GPC5: variants seen among roughly 807,000 people sequenced by gnomAD.
The protein encoded by GPC5 is glypican-5.
A neutral mutation model predicts 53.9 loss-of-function variants in GPC5; 47 were observed. That is an observed-to-expected ratio of 0.87 (90% confidence interval 0.69 to 1.11). GPC5 has a LOEUF of 1.11. Ranked by LOEUF, GPC5 falls within the 50% of genes most tolerant of loss-of-function variation. The pLI, the probability that GPC5 is intolerant of heterozygous loss-of-function variation, is 0.00. For missense variants in GPC5, 748 were observed against 713.1 expected (o/e 1.05, Z -0.56); for synonymous variants, 286 against 263.3 (o/e 1.09, Z -0.84).
At chr13:92,268,593 T>C (rs2139151962) in intron 7 of GPC5, among the ~76,000 whole-genome samples, 1 of 152,130 alleles carries the variant, frequency 6.6e-6, no homozygotes, top group South Asian at 2.1e-4. Flanking sequence ...TTTTTGCTAT[T>C]ATACACGCTC....
intron 7 of GPC5, among the ~76,000 whole-genome samples, chr13:92,549,672 A>G (rs1882239514): frequency 6.6e-6 from 1 of 152,042 alleles, no homozygotes. Context: ...AAATAACAAC[A>G]AACTAGTACT....
chr13:92,465,743 G>A (rs1409188037), intron 7 of GPC5, among the ~76,000 whole-genome samples: 1 of 151,930 alleles, frequency 6.6e-6, no homozygotes, highest in African/African-American at 2.4e-5. Context: ...AATAAAATCA[G>A]AGTTCCATAC....
chr13:92,663,856 CTATATATATATATATATATAT>C (rs1168492719), intron 7 of GPC5, among the ~76,000 whole-genome samples: 4 of 88,340 alleles, frequency 4.5e-5, no homozygotes, highest in African/African-American at 1.9e-4. Context: ...CACACACACA[CTATATATATATATATATATAT>C]ATATATATAT....
intron 7 of GPC5, chr13:92,509,642 A>G (rs1880493804): frequency 6.6e-6 from 1 of 152,226 alleles, no homozygotes; most frequent in Admixed American, 6.5e-5. Flanking sequence ...ATCAAAGTTA[A>G]CAGTATGGTG....
intron 3 of GPC5, among the ~76,000 whole-genome samples, chr13:91,717,997 C>A (rs986442085): frequency 6.6e-6 from 1 of 152,058 alleles, no homozygotes; most frequent in Non-Finnish European, 1.5e-5. Context: ...TAAAAAATTG[C>A]TTTTTCAATG....
intron 7 of GPC5, among the ~76,000 whole-genome samples, chr13:92,549,462 T>C (rs1363552034): frequency 6.6e-6 from 1 of 152,110 alleles, no homozygotes; most frequent in South Asian, 2.1e-4. Context: ...GTTCTCTCTA[T>C]GGGTTTGAAG....
chr13:92,513,412 T>G (rs1880648889), intron 7 of GPC5, among the ~76,000 whole-genome samples: 1 of 151,990 alleles, frequency 6.6e-6, no homozygotes, highest in Admixed American at 6.6e-5. Context: ...TGGAACTAAA[T>G]AAACTTCTGT....
chr13:91,462,019 A>G (rs1203220723), intron 2 of GPC5, among the ~76,000 whole-genome samples: 1 of 152,144 alleles, frequency 6.6e-6, no homozygotes, highest in Non-Finnish European at 1.5e-5. Context: ...CTGGTAATAA[A>G]ATGAAATTTC....
intron 2 of GPC5, among the ~76,000 whole-genome samples, chr13:91,550,899 G>A (rs1433785820): frequency 2.0e-5 from 3 of 152,084 alleles, no homozygotes; most frequent in African/African-American, 4.8e-5. Context: ...CATGTAAGAC[G>A]TGACTTTGCT....
chr13:91,407,567 T>C (rs1877417586), intron 1 of GPC5, among the ~76,000 whole-genome samples: 1 of 152,194 alleles, frequency 6.6e-6, no homozygotes, highest in South Asian at 2.1e-4. Flanking sequence ...ATTACTTGAT[T>C]TTTTTTCTGC....
At position 92,389,601 on chromosome 13, in the gene GPC5, A is replaced by G. The variant is rs547589438; in HGVS notation, c.1561+244612A>G. Among the ~76,000 whole-genome samples, 24 of 152,210 alleles carry G rather than the reference A, an allele frequency of 1.6e-4. No individual in the cohort carries two copies. The South Asian group carries it at 4.2e-3, about 26-fold the overall frequency. On this transcript the variant is annotated intron_variant, in intron 7 of 7. Transcript: ENST00000377067. ...AAAATGTGTACCAAAAACAAAATGA[A>G]AGCTTGGTGAGGGGGTGTTTCTACA... is the stretch of plus-strand genomic sequence containing the variant.
intron 7 of GPC5, among the ~76,000 whole-genome samples, chr13:92,639,034 G>A (rs1486720039): frequency 7.2e-5 from 11 of 152,066 alleles, no homozygotes; most frequent in South Asian, 2.1e-4. Flanking sequence ...ATTGAGGGGG[G>A]CATGTTGCAT....
chr13:91,975,784 G>A (rs1427265047), intron 6 of GPC5, among the ~76,000 whole-genome samples: 6 of 152,264 alleles, frequency 3.9e-5, no homozygotes, highest in East Asian at 3.9e-4. Context: ...TATACCCAAA[G>A]GATTATAAAT....
At chr13:91,671,515 T>A (rs2035242130) in intron 2 of GPC5, among the ~76,000 whole-genome samples, 1 of 151,856 alleles carries the variant, frequency 6.6e-6, no homozygotes, top group Non-Finnish European at 1.5e-5. Flanking sequence ...GGAATATAGA[T>A]AACAAGGGAT....
At chr13:92,591,394 C>T (rs752346378) in intron 7 of GPC5, among the ~76,000 whole-genome samples, 4 of 152,136 alleles carry the variant, frequency 2.6e-5, no homozygotes, top group Non-Finnish European at 4.4e-5. Context: ...CCCTTTTCTA[C>T]CCTGGGTGCT....
chr13:92,633,186 C>A (rs1230115157), intron 7 of GPC5, among the ~76,000 whole-genome samples: 1 of 152,188 alleles, frequency 6.6e-6, no homozygotes, highest in Non-Finnish European at 1.5e-5. Context: ...AGCCACCACG[C>A]CCAGCCAAAA....
chr13:91,484,927 C>T (rs1223608781), intron 2 of GPC5, among the ~76,000 whole-genome samples: 1 of 152,158 alleles, frequency 6.6e-6, no homozygotes, highest in Non-Finnish European at 1.5e-5. Context: ...AAAGTGTCTC[C>T]ACAATCAGTG....
At chr13:92,115,173 G>A (rs1303158457) in intron 6 of GPC5, among the ~76,000 whole-genome samples, 1 of 152,076 alleles carries the variant, frequency 6.6e-6, no homozygotes, top group African/African-American at 2.4e-5. Flanking sequence ...CTGTAAGTTT[G>A]GATAAATGCA....
At chr13:92,487,679 C>A (rs1370915279) in intron 7 of GPC5, among the ~76,000 whole-genome samples, 1 of 152,028 alleles carries the variant, frequency 6.6e-6, no homozygotes, top group Non-Finnish European at 1.5e-5. Flanking sequence ...AAATTAGTTA[C>A]TACACTGAGA....
Sources: allele counts gnomAD v4.1 joint callset (sites outside exome capture counted in the v4.1 genomes callset), GRCh38; gene constraint gnomAD v4.1.1; transcripts MANE v1.5; gene names NCBI Gene and HGNC (gene_info 2026-07-23, HGNC 2026-07-21).